The following PRIM2 variants were observed in gnomAD, a reference collection of about 807,000 sequenced individuals.
PRIM2 encodes the protein DNA primase subunit 2, also known as DNA primase large subunit.
PRIM2 carries 39 observed loss-of-function variants against 67.3 expected under a neutral mutation model. The ratio of observed to expected loss-of-function variants is 0.58; its 90% CI spans 0.45 to 0.76. The LOEUF (loss-of-function observed/expected upper bound fraction) is 0.76. PRIM2 is among the 30% of genes least tolerant of loss of function. The pLI, the probability that PRIM2 is intolerant of heterozygous loss-of-function variation, is 0.00. For synonymous variants in PRIM2, 143 were observed against 198.7 expected (o/e 0.72, Z 2.36); for missense variants, 398 against 598.7 (o/e 0.66, Z 3.50).
At chr6:57,600,317 G>A (rs1353694003) in intron 10 of PRIM2, among the ~76,000 whole-genome samples, 1 of 147,998 alleles carries the variant, frequency 6.8e-6, no homozygotes, top group Admixed American at 6.9e-5. Context: ...ACTTTGTATA[G>A]TGGAAATCCA....
At chr6:57,261,331 CAAGAGCTGGGTCCATAG>C in the PRIM2 span, among the ~76,000 whole-genome samples, 7 of 152,068 alleles carry the variant, frequency 4.6e-5, no homozygotes, top group African/African-American at 1.7e-4. Flanking sequence ...GCTCTTGGAG[CAAGAGCTGGGTCCATAG>C]AAGAGATGGC....
intron 10 of PRIM2, among the ~76,000 whole-genome samples, chr6:57,543,281 TTA>T (rs1422366044): frequency 6.6e-6 from 1 of 152,142 alleles, no homozygotes; most frequent in Non-Finnish European, 1.5e-5. Context: ...TAAACATTTT[TTA>T]TAGTGCTAAT....
intron 10 of PRIM2, among the ~76,000 whole-genome samples, chr6:57,560,279 T>C (rs1775602101): frequency 1.3e-5 from 2 of 150,990 alleles, no homozygotes; most frequent in Non-Finnish European, 2.9e-5. Context: ...ACTAAAAAGT[T>C]TTATCATGAT....
chr6:57,340,291 A>G (rs1332991689), intron 5 of PRIM2, among the ~76,000 whole-genome samples: 2 of 152,226 alleles, frequency 1.3e-5, no homozygotes, highest in Non-Finnish European at 2.9e-5. Context: ...TGTGGAAGTC[A>G]GTGTGGCGAT....
At chr6:57,561,526 C>G (rs1341964446) in intron 10 of PRIM2, among the ~76,000 whole-genome samples, 2 of 152,222 alleles carry the variant, frequency 1.3e-5, no homozygotes, top group Non-Finnish European at 2.9e-5. Flanking sequence ...AGCCACTCTG[C>G]CCAGCCAATT....
chr6:57,351,307 T>C (rs929653820), intron 5 of PRIM2, among the ~76,000 whole-genome samples: 1 of 151,368 alleles, frequency 6.6e-6, no homozygotes, highest in Non-Finnish European at 1.5e-5. Flanking sequence ...AGTTTTAGAT[T>C]TTGGAGCACT....
the PRIM2 span, among the ~76,000 whole-genome samples, chr6:57,284,695 A>G: frequency 6.6e-6 from 1 of 152,188 alleles, no homozygotes; most frequent in Non-Finnish European, 1.5e-5. Context: ...AACTTTTAAT[A>G]AATAGTCCAA....
intron 10 of PRIM2, among the ~76,000 whole-genome samples, chr6:57,572,023 T>C (rs1415767699): frequency 6.6e-6 from 1 of 152,228 alleles, no homozygotes; most frequent in African/African-American, 2.4e-5. Context: ...TGTTTCTCTA[T>C]ATCTGTTTTA....
At chr6:57,488,766 G>A (rs1324975169) in intron 7 of PRIM2, among the ~76,000 whole-genome samples, 3 of 152,214 alleles carry the variant, frequency 2.0e-5, no homozygotes, top group Admixed American at 1.3e-4. Context: ...AGGTGGCAAA[G>A]TCAGCTTCAG....
chr6:57,396,965 A>G (rs7383017), intron 7 of PRIM2, among the ~76,000 whole-genome samples: 13 of 152,202 alleles, frequency 8.5e-5, no homozygotes, highest in Non-Finnish European at 1.8e-4. Context: ...GCTGATAATG[A>G]TTTTGTTTGA....
the PRIM2 span, among the ~76,000 whole-genome samples, chr6:57,266,461 A>T: frequency 6.6e-6 from 1 of 152,204 alleles, no homozygotes; most frequent in Non-Finnish European, 1.5e-5. Context: ...AATCAGCTCG[A>T]CAATTTTTTT....
chr6:57,386,240 A>G (rs200191544), intron 7 of PRIM2, among the ~76,000 whole-genome samples: 1 of 139,282 alleles, frequency 7.2e-6, no homozygotes, highest in Non-Finnish European at 1.6e-5. Context: ...AACAACAACA[A>G]CAACAGCAAC....
intron 7 of PRIM2, among the ~76,000 whole-genome samples, chr6:57,435,566 T>G (rs1163402719): frequency 7.2e-5 from 11 of 152,212 alleles, no homozygotes; most frequent in Admixed American, 7.2e-4. Flanking sequence ...AAATATGGGC[T>G]TCTGCTCCTA....
rs1775027553 is a variant in PRIM2 at position 57,537,621 on chromosome 6, A to G, written c.1016A>G (p.Asp339Gly). The G allele has an allele frequency of 2.0e-6, 3 of 1,482,450 alleles. No individual in the cohort carries two copies. Among genetic ancestry groups the G allele is most frequent in the Admixed American group, 2.2e-5 (1 of 45,614 alleles). 91.8% of individuals were successfully genotyped at this position (1,482,450 alleles called of 1,614,324 possible). A position where few individuals can be genotyped will look rare whatever the true frequency, so the allele number is the denominator to read the frequency against. The change falls in exon 10 of 14, where the codon GAC becomes GGC. Residue 339 changes from aspartate (D) to glycine (G), a missense_variant. Physicochemically the swap from Asp to Gly is moderately conservative, Grantham distance 94. Around this residue, in one of 4 missense-constraint regions of PRIM2, gnomAD observed 229 missense variants for 383.6 expected, o/e 0.60. Transcript: ENST00000615550. ...TTTATCAAAGGAAAGATGGATCCAG[A>G]CAAGGTAATTTTGAAAAAAAATATC... is the stretch of plus-strand genomic sequence containing the variant. ...QEFIKGKMDP[D>G]KFDKGYSYNI...
At chr6:57,336,475 C>T (rs1269895501) in intron 5 of PRIM2, among the ~76,000 whole-genome samples, 1 of 152,186 alleles carries the variant, frequency 6.6e-6, no homozygotes, top group Non-Finnish European at 1.5e-5. Context: ...TTGGGTTACC[C>T]TCAAAGGGAA....
chr6:57,597,863 T>A (rs1407016285), intron 10 of PRIM2, among the ~76,000 whole-genome samples: 5 of 152,336 alleles, frequency 3.3e-5, no homozygotes, highest in Admixed American at 2.6e-4. Context: ...AAGTTTCAGT[T>A]CATTGCCAAT....
chr6:57,277,894 G>T, the PRIM2 span, among the ~76,000 whole-genome samples: 1 of 152,058 alleles, frequency 6.6e-6, no homozygotes, highest in Admixed American at 6.6e-5. Context: ...TGAGGCAGGA[G>T]GATGGCGTGA....
the PRIM2 span, among the ~76,000 whole-genome samples, chr6:57,234,863 A>T: frequency 3.4e-3 from 523 of 152,272 alleles, 3 homozygotes; most frequent in African/African-American, 8.9e-3. Context: ...ACTGAAGTTT[A>T]TCTGTAACAA....
At chr6:57,591,753 TCCCCCGTTTGG>T (rs1776284738) in intron 10 of PRIM2, among the ~76,000 whole-genome samples, 4 of 152,024 alleles carry the variant, frequency 2.6e-5, no homozygotes, top group African/African-American at 9.7e-5. Context: ...CCTGAGGAAA[TCCCCCGTTTGG>T]AGATTTCTCA....
Sources: gnomAD v4.1 joint callset for allele counts (sites outside exome capture counted in the v4.1 genomes callset) on GRCh38, gnomAD v4.1.1 for gene constraint, gnomAD v4.1.1 regional missense constraint, MANE v1.5 for transcripts, NCBI Gene and HGNC (gene_info 2026-07-23, HGNC 2026-07-21) for gene names.